VSX1: variants seen among roughly 807,000 people sequenced by gnomAD.
VSX1 encodes the protein homeodomain protein RINX.
Under a neutral mutation model 23.6 loss-of-function variants are expected in VSX1, and 23 were observed. The ratio of observed to expected loss-of-function variants is 0.97; its 90% CI spans 0.70 to 1.38. The LOEUF is 1.38. Among genes scored for constraint, VSX1 ranks in the 40% most tolerant of loss-of-function variants. VSX1 has a pLI of 0.00. For synonymous variants in VSX1, 247 were observed against 215.1 expected (o/e 1.15, Z -1.30); for missense variants, 517 against 495.4 (o/e 1.04, Z -0.41).
intron 4 of VSX1, among the ~76,000 whole-genome samples, 184 bp downstream of exon 4, chr20:25,077,501 A>G (rs2089525414): frequency 6.6e-6 from 1 of 152,264 alleles, no homozygotes. Context: ...GTGAAAAATG[A>G]GGCAACCATC....
At position 25,075,560 on chromosome 20, in the gene VSX1, T is replaced by C. The variant is rs1210766396; in HGVS notation, c.*701A>G. Reference sequence around the variant, plus strand: ...ACAAAATCCAAGTCACTAAAGTGCTTTCAATCACAAATTTTGAAAGACCAA... The same window carrying C: ...ACAAAATCCAAGTCACTAAAGTGCTCTCAATCACAAATTTTGAAAGACCAA... On this transcript the variant is annotated 3_prime_UTR_variant, in exon 5 of 5. Coordinates refer to ENST00000376709, the MANE Select transcript of VSX1 (RefSeq NM_014588.6). 1 of 152,490 alleles carries C rather than the reference T, an allele frequency of 6.6e-6. No homozygotes were observed. The highest frequency in any genetic ancestry group is 1.5e-5 in the Non-Finnish European group (1 of 68,042). The allele number at this position is 152,490 out of a possible 1,614,324, so 9.4% of individuals were successfully genotyped here.
intron 1 of VSX1, 52 bp downstream of exon 1, chr20:25,081,621 G>C: frequency 6.5e-7 from 1 of 1,538,570 alleles, no homozygotes; most frequent in Non-Finnish European, 8.7e-7. Context: ...ACCCCTGCGC[G>C]GCTCAGAGCC....
In VSX1 at chr20:25,078,814, AG is replaced by A; in HGVS notation, c.627+14del. The A allele has an allele frequency of 6.8e-6, 11 of 1,614,066 alleles. No individual in the cohort carries two copies. Among genetic ancestry groups the A allele is most frequent in the Non-Finnish European group, 8.5e-6 (10 of 1,180,006 alleles). Reference sequence around the variant, plus strand: ...CTGTGGTATCTTTGGAGCGGAGAAAAGGGACCCCAGACACCTGTATCCGGTC... The same window carrying A: ...CTGTGGTATCTTTGGAGCGGAGAAAAGGACCCCAGACACCTGTATCCGGTC... On this transcript the variant is annotated intron_variant, in intron 3 of 4. Transcript: ENST00000376709.
chr20:25,081,549 C>G, intron 1 of VSX1, 124 bp downstream of exon 1: 3 of 1,453,116 alleles, frequency 2.1e-6, no homozygotes, highest in Non-Finnish European at 2.9e-6. Context: ...GGGCCTCGCT[C>G]TGGGCTCCCC....
intron 1 of VSX1, 172 bp downstream of exon 1, chr20:25,081,501 G>T: frequency 4.0e-6 from 4 of 993,344 alleles, no homozygotes; most frequent in Non-Finnish European, 6.4e-6. Context: ...GCAGCAAGGG[G>T]CAGGCGGCGC....
chr20:25,077,705 G>T lies in VSX1; in HGVS notation c.788C>A (p.Ser263Tyr). 6.5e-7 allele frequency: 1 copy of T among 1,549,474 alleles called. No individual in the cohort carries two copies. Among genetic ancestry groups the T allele is most frequent in the Non-Finnish European group, 8.7e-7 (1 of 1,146,804 alleles). The change falls in exon 4 of 5, where the codon TCC becomes TAC. Residue 263 changes from serine (S) to tyrosine (Y), a missense_variant. Transcript: ENST00000376709. ...CTTACCCAGGAGCCAGGGCGCGCAG[G>T]AGCCCAGCAGGCCGCCCTCGGCGGA... is the stretch of plus-strand genomic sequence containing the variant. ...LNSAEGGLLG[S>Y]CAPWLLGMHK...
Position 25,078,829 on chromosome 20 carries a change from C to T in VSX1, c.627G>A (p.Gln209=), listed in dbSNP as rs1188656862. The T allele has an allele frequency of 1.2e-6, 2 of 1,614,000 alleles. No homozygotes were observed. Among genetic ancestry groups the T allele is most frequent in the Non-Finnish European group, 1.7e-6 (2 of 1,180,030 alleles). ...VKTELPEDRI[Q]VWFQNRRAKW... ...AGCGGAGAAAAGGGACCCCAGACAC[C>T]TGTATCCGGTCTTCGGGGAGCTCAG... The change falls in exon 3 of 5, where the codon CAG becomes CAA. Residue 209 remains glutamine, a splice_region_variant and synonymous_variant. Transcript: ENST00000376709.
downstream of VSX1, chr20:25,071,832 G>C: frequency 1.4e-6 from 1 of 713,418 alleles, no homozygotes; most frequent in African/African-American, 1.7e-5. Context: ...CATCAAGGAT[G>C]ACACAGGAAA....
chr20:25,071,666 G>A, downstream of VSX1: 2 of 608,336 alleles, frequency 3.3e-6, no homozygotes, highest in Non-Finnish European at 6.1e-6. Flanking sequence ...CTGTCACTAG[G>A]ACCTAGCTGT....
intron 4 of VSX1, 149 bp from the exon 5 acceptor site, chr20:25,076,699 T>A: frequency 1.1e-6 from 1 of 922,330 alleles, no homozygotes; most frequent in Non-Finnish European, 1.6e-6. Flanking sequence ...GGCAGGTAGG[T>A]AACTCCCACC....
At position 25,078,931 on chromosome 20, in the gene VSX1, C is replaced by G. The variant is rs771561481; in HGVS notation, c.525G>C (p.Gln175His). 1.9e-6 allele frequency: 3 copies of G among 1,614,102 alleles called. No homozygotes were observed. In the South Asian group the frequency reaches 3.3e-5, roughly 18 times the overall value. The part of the protein sequence containing the change: ...RRHRTVFTAH[Q>H]LEELEKAFSE... ...TGAATGCCTTCTCCAACTCTTCCAG[C>G]TGGTGAGCAGTGAAAACTGTCCTGC... Residue 175 changes from glutamine to histidine, a missense_variant, in exon 3 of 5, where the codon CAG (glutamine) becomes CAC (histidine). Physicochemically the swap from Gln to His is conservative, Grantham distance 24 (BLOSUM62 0). Transcript: ENST00000376709.
Position 25,076,483 on chromosome 20 carries a change from CCA to C in VSX1, c.874_875del (p.Trp292GlyfsTer3), listed in dbSNP as rs750817651. 1 of 1,614,028 alleles carries C rather than the reference CCA, an allele frequency of 6.2e-7. No individual in the cohort carries two copies. Among genetic ancestry groups the C allele is most frequent in the South Asian group, 1.1e-5 (1 of 91,080 alleles). ...AACCTTCTTTGAAGTGGTCAGAGCC[CCA>C]GAGTCCTGCCAACTTATCTTCACTT... Reference protein sequence around the residue: ...PGSEDKLAGLWGSDHFKEGSS... With the variant: ...PGSEDKLAGLXGSDHFKEGSS... On this transcript the variant is annotated frameshift_variant, in exon 5 of 5. Coordinates refer to ENST00000376709, the MANE Select transcript of VSX1 (RefSeq NM_014588.6). LOFTEE classifies it low-confidence loss of function (END_TRUNC).
intron 3 of VSX1, 167 bp downstream of exon 3, chr20:25,078,662 G>C: frequency 6.4e-7 from 1 of 1,568,410 alleles, no homozygotes; most frequent in South Asian, 1.2e-5. Context: ...AAAGGCATGA[G>C]GGTCATAGGG....
chr20:25,073,029 G>C (rs2089412500), downstream of VSX1, among the ~76,000 whole-genome samples: 2 of 152,184 alleles, frequency 1.3e-5, no homozygotes, highest in South Asian at 4.1e-4. Context: ...GACGTGCTGG[G>C]GGATTTGAGT....
intron 3 of VSX1, among the ~76,000 whole-genome samples, chr20:25,078,359 G>C (rs1025320977): frequency 1.3e-5 from 2 of 152,156 alleles, no homozygotes; most frequent in African/African-American, 4.8e-5. Flanking sequence ...AAAAGAGTTA[G>C]TGACATATCT....
At chr20:25,078,086 C>G in intron 3 of VSX1, 1 of 612,296 alleles carries the variant, frequency 1.6e-6, no homozygotes, top group Non-Finnish European at 2.9e-6. Context: ...CACGGGCATT[C>G]AACGCAGTAG....
At chr20:25,071,922 C>A, downstream of VSX1, 1 of 682,776 alleles carries the variant, frequency 1.5e-6, no homozygotes, top group Non-Finnish European at 2.7e-6. Context: ...TTACAGGGTT[C>A]AGCTGAAGGT....
chr20:25,081,641 G>C lies in VSX1; in HGVS notation c.424+32C>G, dbSNP rs908845020. 2.0e-6 allele frequency: 3 copies of C among 1,530,168 alleles called. No individual in the cohort carries two copies. In the African/African-American group the frequency reaches 4.1e-5, roughly 21 times the overall value. The allele number at this position is 1,530,168 out of a possible 1,614,324, so 94.8% of individuals were successfully genotyped here. On this transcript the variant is annotated intron_variant, in intron 1 of 4. Coordinates refer to ENST00000376709, the MANE Select transcript of VSX1 (RefSeq NM_014588.6). ...TGCGCGGCTCAGAGCCTAGGGGACA[G>C]GGGCAGGAGCGGAAAGCGCGGGCCT...
chr20:25,073,676 G>C (rs1214609350), downstream of VSX1, among the ~76,000 whole-genome samples: 1 of 152,214 alleles, frequency 6.6e-6, no homozygotes, highest in Non-Finnish European at 1.5e-5. Flanking sequence ...GAGACGGTCT[G>C]CTAGCAGGTG....
Sources: allele counts gnomAD v4.1 joint callset (sites outside exome capture counted in the v4.1 genomes callset), GRCh38; gene constraint gnomAD v4.1.1; transcripts MANE v1.5; gene names NCBI Gene and HGNC (gene_info 2026-07-23, HGNC 2026-07-21).